KNG1: variants seen among roughly 807,000 people sequenced by gnomAD.
The protein encoded by KNG1 is kininogen-1.
A neutral mutation model predicts 47.8 loss-of-function variants in KNG1; 23 were observed. That is an observed-to-expected ratio of 0.48 (90% CI 0.35 to 0.68). The LOEUF (loss-of-function observed/expected upper bound fraction) is 0.68. Ranked by LOEUF, KNG1 falls within the 30% of genes least tolerant of loss-of-function variation. The pLI is 0.01. For missense variants in KNG1, 762 were observed against 790.2 expected (o/e 0.96, Z 0.43); for synonymous variants, 277 against 277.0 (o/e 1.00, Z 0.00).
At position 186,725,534 on chromosome 3, in the gene KNG1, G is replaced by A. The variant is rs1159663209; in HGVS notation, c.564+274G>A. Among the ~76,000 whole-genome samples, 5 of 100,462 alleles carry A rather than the reference G, an allele frequency of 5.0e-5. No homozygotes were observed. The East Asian group carries it at 1.3e-3, about 25-fold the overall frequency. 65.9% of individuals were successfully genotyped at this position (100,462 alleles called of 152,430 possible). On this transcript the variant is annotated intron_variant, in intron 4 of 9. Coordinates refer to ENST00000644859, the MANE Select transcript of KNG1 (RefSeq NM_001102416.3). The stretch of plus-strand genomic sequence containing the variant: ...GACAGTGAAAAGGAAAAGTCATACC[G>A]GCCTTAGGATTTTTTTTTTTTTTTT...
chr3:186,731,331 CCA>C (rs1720526423), intron 5 of KNG1, among the ~76,000 whole-genome samples: 2 of 152,130 alleles, frequency 1.3e-5, no homozygotes, highest in African/African-American at 4.8e-5. Flanking sequence ...TTCCTGCTTT[CCA>C]TGTGCTCATG....
At chr3:186,731,722 G>A (rs893719532) in intron 6 of KNG1, 93 bp downstream of exon 6, 17 of 784,992 alleles carry the variant, frequency 2.2e-5, no homozygotes, top group Non-Finnish European at 3.2e-5. Context: ...TTTGGTTCCC[G>A]TGATATACTC....
intron 5 of KNG1, chr3:186,728,611 G>A (rs1000136903): frequency 2.7e-4 from 41 of 152,172 alleles, no homozygotes; most frequent in African/African-American, 9.4e-4. Flanking sequence ...AACAAATTAT[G>A]ACAAAATATA....
At chr3:186,739,574 T>C (rs1330478042) in intron 9 of KNG1, among the ~76,000 whole-genome samples, 160 bp downstream of exon 9, 2 of 152,204 alleles carry the variant, frequency 1.3e-5, no homozygotes, top group Non-Finnish European at 2.9e-5. Context: ...GTTTAATGGC[T>C]AGAAAGAAGA....
In KNG1 at chr3:186,742,983, T is replaced by C. The variant is rs1720854818; in HGVS notation, c.*652T>C. On this transcript the variant is annotated 3_prime_UTR_variant, in exon 10 of 10. Transcript: ENST00000644859. ...GGCCAAAGGGAGGAAAGGGGGGACA[T>C]AAATTAATTGACTTTCTATTCCCAA... The C allele has an allele frequency of 2.5e-5, 22 of 895,188 alleles. No individual in the cohort carries two copies. Among genetic ancestry groups the C allele is most frequent in the Non-Finnish European group, 2.8e-5 (21 of 747,886 alleles). 55.5% of individuals were successfully genotyped at this position (895,188 alleles called of 1,614,324 possible).
Position 186,739,426 on chromosome 3 carries a change from A to G in KNG1, c.1125+12A>G, listed in dbSNP as rs950513260. On this transcript the variant is annotated intron_variant, in intron 9 of 9. Coordinates refer to ENST00000644859, the MANE Select transcript of KNG1 (RefSeq NM_001102416.3). ...AACCACTGGGAATGGTATGATTCTA[A>G]TTACAGTCAGCGTGGGGTCAGTTCT... 12 of 1,561,832 alleles carry G rather than the reference A, an allele frequency of 7.7e-6. No individual in the cohort carries two copies. The highest frequency in any genetic ancestry group is 1.1e-5 in the Non-Finnish European group (12 of 1,132,272).
intron 4 of KNG1, among the ~76,000 whole-genome samples, chr3:186,725,496 G>C (rs1417196813): frequency 1.3e-5 from 2 of 149,856 alleles, no homozygotes; most frequent in African/African-American, 4.9e-5. Flanking sequence ...CGTCATTACA[G>C]GCTCTTCCTA....
chr3:186,724,661 TG>T (rs5030013), intron 3 of KNG1, among the ~76,000 whole-genome samples: 1,886 of 152,154 alleles, frequency 0.012, 28 homozygotes, highest in African/African-American at 0.043. Context: ...GTTAGTCCCT[TG>T]TGGGATGCAT....
chr3:186,734,925 G>T (rs1311623432), intron 7 of KNG1: 1 of 151,740 alleles, frequency 6.6e-6, no homozygotes, highest in Non-Finnish European at 1.5e-5. Flanking sequence ...CTAATTTTCT[G>T]TATTACTTTT....
intron 4 of KNG1, among the ~76,000 whole-genome samples, chr3:186,726,559 G>A (rs1436712058): frequency 2.0e-5 from 3 of 152,072 alleles, no homozygotes; most frequent in Non-Finnish European, 2.9e-5. Context: ...CAAAGTGCTG[G>A]GATTACAGGC....
rs1241918085 is a variant in KNG1, at chr3:186,722,570, C to T, written c.391+49C>T. ...TGCCCTGGTGGGAAATTAACCATTT[C>T]TGTGAGCCAGGAACACAATCTTGAC... On this transcript the variant is annotated intron_variant, in intron 3 of 9. Transcript: ENST00000644859. The T allele has an allele frequency of 6.4e-6, 9 of 1,398,052 alleles. No homozygotes were observed. The South Asian group carries it at 7.1e-5, about 11-fold the overall frequency. The allele number at this position is 1,398,052 out of a possible 1,614,324, so 86.6% of individuals were successfully genotyped here.
chr3:186,725,710 AT>A (rs34640484), intron 4 of KNG1, among the ~76,000 whole-genome samples: 50,329 of 148,696 alleles, frequency 0.34, 9,300 homozygotes, highest in Middle Eastern at 0.5. Context: ...ACACTGGCTA[AT>A]TTTTTTTATT....
At chr3:186,739,598 TG>T (rs1364392295) in intron 9 of KNG1, among the ~76,000 whole-genome samples, 184 bp downstream of exon 9, 1 of 152,248 alleles carries the variant, frequency 6.6e-6, no homozygotes, top group African/African-American at 2.4e-5. Context: ...ACAATCCTCC[TG>T]ATCACTTCTC....
At chr3:186,723,662 T>A (rs1720268816) in intron 3 of KNG1, among the ~76,000 whole-genome samples, 1 of 152,282 alleles carries the variant, frequency 6.6e-6, no homozygotes, top group South Asian at 2.1e-4. Context: ...TTTCTTTTTT[T>A]TTTTCATTTT....
chr3:186,742,345 G>A lies in KNG1; in HGVS notation c.*14G>A, dbSNP rs77072144. The A allele has an allele frequency of 2.5e-4, 406 of 1,612,996 alleles. 2 individuals are homozygous for A. The East Asian group carries it at 8.5e-3, about 34-fold the overall frequency. On this transcript the variant is annotated 3_prime_UTR_variant, in exon 10 of 10. Coordinates refer to ENST00000644859, the MANE Select transcript of KNG1 (RefSeq NM_001102416.3). ...GGCCTTTCTTAATTTAAGTGGCTAT[G>A]GGTATTTCTTTCATACTTTATTAAA...
intron 5 of KNG1, 62 bp downstream of exon 5, chr3:186,727,406 A>C: frequency 9.4e-7 from 1 of 1,063,012 alleles, no homozygotes; most frequent in Non-Finnish European, 1.5e-6. Context: ...TGTGGTAACT[A>C]TCAAGCTGGG....
chr3:186,717,772 G>A (rs13072823), intron 1 of KNG1, 35 bp downstream of exon 1: 183,275 of 1,502,156 alleles, frequency 0.12, 12,819 homozygotes, highest in African/African-American at 0.24. Context: ...AAGTCACTTG[G>A]GATTTGTACT....
At position 186,722,473 on chromosome 3, in the gene KNG1, A is replaced by G. The variant is rs1194931833; in HGVS notation, c.343A>G (p.Ser115Gly). 1 of 1,613,990 alleles carries G rather than the reference A, an allele frequency of 6.2e-7. No individual in the cohort carries two copies. The highest frequency in any genetic ancestry group is 8.5e-7 in the Non-Finnish European group (1 of 1,179,928). Residue 115 changes from serine (S) to glycine (G), a missense_variant, in exon 3 of 10, where the codon AGC (serine) becomes GGC (glycine). Physicochemically the swap from Ser to Gly is moderately conservative, Grantham distance 56. Transcript: ENST00000644859. ...ATGCACGGCAACCGTGGGGAAGAGG[A>G]GCAGTACGAAATTCTCCGTGGCTAC... is the stretch of plus-strand genomic sequence containing the variant. ...GECTATVGKR[S>G]STKFSVATQT... is the part of the protein sequence containing the mutation.
rs573313662 is a variant in KNG1 at position 186,742,959 on chromosome 3, G to A, written c.*628G>A. On this transcript the variant is annotated 3_prime_UTR_variant, in exon 10 of 10. Transcript: ENST00000644859. ...AAGTAACAAGAAAGAAGACAGGTTG[G>A]CCAAAGGGAGGAAAGGGGGGACATA... 5.1e-6 allele frequency: 5 copies of A among 984,326 alleles called. No homozygotes were observed. The highest frequency in any genetic ancestry group is 1.7e-5 in the African/African-American group (1 of 57,304). The allele number at this position is 984,326 out of a possible 1,614,324, so 61.0% of individuals were successfully genotyped here.
Sources: gnomAD v4.1 joint callset for allele counts (sites outside exome capture counted in the v4.1 genomes callset) on GRCh38, gnomAD v4.1.1 for gene constraint, MANE v1.5 for transcripts, NCBI Gene and HGNC (gene_info 2026-07-23, HGNC 2026-07-21) for gene names.